The following DIP2C variants were observed in gnomAD, a reference collection of about 807,000 sequenced individuals.
DIP2C encodes the protein DIP2 acetate--CoA ligase C (putative), also known as disco-interacting protein 2 homolog C.
Under a neutral mutation model 192.4 loss-of-function variants are expected in DIP2C, and 33 were observed. The ratio of observed to expected loss-of-function variants is 0.17; its 90% CI spans 0.13 to 0.23. The LOEUF (loss-of-function observed/expected upper bound fraction) is 0.23. DIP2C is among the 10% of genes least tolerant of loss of function. The pLI, the probability that DIP2C is intolerant of heterozygous loss-of-function variation, is 1.00. For synonymous variants in DIP2C, 979 were observed against 864.1 expected (o/e 1.13, Z -2.33); for missense variants, 1,537 against 2,110.1 (o/e 0.73, Z 5.32).
chr10:326,539 A>G (rs746647672), intron 31 of DIP2C, among the ~76,000 whole-genome samples: 2 of 152,230 alleles, frequency 1.3e-5, no homozygotes, highest in African/African-American at 2.4e-5. Flanking sequence ...GTCTTGCTAG[A>G]GCTGCTTCAC....
chr10:529,606 A>T (rs1046161076), intron 1 of DIP2C, among the ~76,000 whole-genome samples: 17 of 152,200 alleles, frequency 1.1e-4, no homozygotes, highest in Non-Finnish European at 2.5e-4. Flanking sequence ...TAAAACAGAA[A>T]ACATCCACAA....
intron 1 of DIP2C, among the ~76,000 whole-genome samples, chr10:579,420 G>A (rs1046815620): frequency 4.6e-5 from 7 of 151,634 alleles, no homozygotes; most frequent in African/African-American, 1.2e-4. Flanking sequence ...TATAGCGTAT[G>A]TACATAGGTA....
At chr10:543,088 G>GC (rs143316124) in intron 1 of DIP2C, among the ~76,000 whole-genome samples, 3,174 of 152,322 alleles carry the variant, frequency 0.021, 64 homozygotes, top group Non-Finnish European at 0.031. Flanking sequence ...AACACATGCG[G>GC]CTCTGGCAGC....
At chr10:462,338 AG>A (rs1462555898) in intron 3 of DIP2C, among the ~76,000 whole-genome samples, 5 of 152,216 alleles carry the variant, frequency 3.3e-5, no homozygotes, top group African/African-American at 1.2e-4. Flanking sequence ...GAAATGATAA[AG>A]GGGATATCAC....
At chr10:402,768 T>C (rs1184451747) in intron 9 of DIP2C, among the ~76,000 whole-genome samples, 1 of 16,228 alleles carries the variant, frequency 6.2e-5, no homozygotes, top group African/African-American at 6.6e-5. Flanking sequence ...AAGTTTGGTA[T>C]GTGTTCCTCA....
At chr10:624,623 G>A (rs976904139) in intron 1 of DIP2C, among the ~76,000 whole-genome samples, 7 of 152,320 alleles carry the variant, frequency 4.6e-5, no homozygotes, top group African/African-American at 7.2e-5. Flanking sequence ...TCTCCAGGGC[G>A]GGCTCCAAAG....
At chr10:397,090 G>C (rs1054280625) in intron 10 of DIP2C, among the ~76,000 whole-genome samples, 1 of 152,192 alleles carries the variant, frequency 6.6e-6, no homozygotes, top group African/African-American at 2.4e-5. Context: ...AGATACCCAC[G>C]TGGCAGATGG....
At chr10:493,658 C>A (rs1844612464) in intron 1 of DIP2C, among the ~76,000 whole-genome samples, 1 of 152,134 alleles carries the variant, frequency 6.6e-6, no homozygotes, top group Non-Finnish European at 1.5e-5. Context: ...AGGGAGAGAC[C>A]CCCTCAGAGT....
chr10:374,742 C>T lies in DIP2C; in HGVS notation c.1992-5109G>A, dbSNP rs573855248. 3.9e-5 allele frequency among the ~76,000 whole-genome samples: 6 copies of T among 152,186 alleles called. No homozygotes were observed. In the South Asian group the frequency reaches 1.0e-3, roughly 26 times the overall value. ...TAGATGATATTTATCTCCATCAACA[C>T]CTTGCTAAGAAGTAAAAATCCCAAG... On this transcript the variant is annotated intron_variant, in intron 17 of 36. Transcript: ENST00000280886.
intron 4 of DIP2C, among the ~76,000 whole-genome samples, chr10:425,671 A>G (rs1353682800): frequency 3.3e-5 from 5 of 152,182 alleles, no homozygotes; most frequent in African/African-American, 1.2e-4. Context: ...GACACGGATG[A>G]TACAGCATGA....
chr10:548,398 C>G (rs1473573939), intron 1 of DIP2C, among the ~76,000 whole-genome samples: 1 of 148,958 alleles, frequency 6.7e-6, no homozygotes, highest in Non-Finnish European at 1.5e-5. Context: ...CATCGAACAG[C>G]CCCTCGGGAG....
At chr10:520,774 G>A (rs1275087329) in intron 1 of DIP2C, among the ~76,000 whole-genome samples, 1 of 152,168 alleles carries the variant, frequency 6.6e-6, no homozygotes, top group Non-Finnish European at 1.5e-5. Context: ...GACCCCTTGG[G>A]CTTTTTAACA....
intron 5 of DIP2C, among the ~76,000 whole-genome samples, chr10:422,051 G>T (rs1352659331): frequency 6.6e-6 from 1 of 152,148 alleles, no homozygotes; most frequent in African/African-American, 2.4e-5. Flanking sequence ...TTTTTTCAGG[G>T]ATCAGGTTTT....
intron 3 of DIP2C, among the ~76,000 whole-genome samples, chr10:462,128 G>A (rs185984017): frequency 1.3e-5 from 2 of 152,008 alleles, no homozygotes; most frequent in East Asian, 3.9e-4. Context: ...AACTAGAGAA[G>A]AAAGAGCAAA....
At chr10:513,520 C>T (rs940856044) in intron 1 of DIP2C, among the ~76,000 whole-genome samples, 10 of 152,358 alleles carry the variant, frequency 6.6e-5, no homozygotes, top group African/African-American at 2.2e-4. Flanking sequence ...TCGTCCACCA[C>T]AGCACACCGC....
intron 34 of DIP2C, 103 bp from the exon 35 acceptor site, chr10:283,549 T>A: frequency 7.2e-7 from 1 of 1,392,468 alleles, no homozygotes; most frequent in Non-Finnish European, 9.9e-7. Flanking sequence ...TCAGTGATAG[T>A]AAACGTTTCC....
At chr10:326,697 C>T (rs952926319) in intron 31 of DIP2C, among the ~76,000 whole-genome samples, 1 of 152,226 alleles carries the variant, frequency 6.6e-6, no homozygotes, top group Non-Finnish European at 1.5e-5. Context: ...CTGGTTTCTT[C>T]ATCTGTCTAG....
Position 308,911 on chromosome 10 carries a change from C to G in DIP2C, c.3986+1120G>C, listed in dbSNP as rs944105754. On this transcript the variant is annotated intron_variant, in intron 32 of 36. Transcript: ENST00000280886. The stretch of plus-strand genomic sequence containing the variant: ...CCGTCCCATGCAGGCTGTTGGGACA[C>G]CCCTGGTCTCCCCCCACCAGATGCC... Among the ~76,000 whole-genome samples, 10 of 152,340 alleles carry G rather than the reference C, an allele frequency of 6.6e-5. No individual in the cohort carries two copies. In the East Asian group the frequency reaches 1.9e-3, roughly 29 times the overall value.
chr10:364,997 G>A (rs1336671572), intron 19 of DIP2C: 1 of 533,726 alleles, frequency 1.9e-6, no homozygotes, highest in Non-Finnish European at 3.8e-6. Context: ...TTCATAAAAT[G>A]TTATTTGCCC....
Sources: allele counts gnomAD v4.1 joint callset (sites outside exome capture counted in the v4.1 genomes callset), GRCh38; gene constraint gnomAD v4.1.1; transcripts MANE v1.5; gene names NCBI Gene and HGNC (gene_info 2026-07-23, HGNC 2026-07-21).